The following CA10 variants were observed in gnomAD, a reference collection of about 807,000 sequenced individuals.
CA10 encodes the protein carbonic anhydrase-related protein 10.
CA10 carries 14 observed loss-of-function variants against 44.2 expected under a neutral mutation model. The ratio of observed to expected loss-of-function variants is 0.32; its 90% confidence interval spans 0.21 to 0.50. CA10 has a LOEUF of 0.50. Ranked by LOEUF, CA10 falls within the 20% of genes least tolerant of loss-of-function variation. The probability of loss-of-function intolerance (pLI) is 0.99; values close to 1 mark genes in which losing one functional copy is unlikely to be tolerated. For synonymous variants in CA10, 159 were observed against 141.6 expected (o/e 1.12, Z -0.87); for missense variants, 350 against 409.7 (o/e 0.85, Z 1.26).
chr17:51,651,314 C>A (rs1248458045), intron 5 of CA10, among the ~76,000 whole-genome samples: 3 of 152,186 alleles, frequency 2.0e-5, no homozygotes, highest in Middle Eastern at 3.2e-3. Flanking sequence ...GTACCTCATG[C>A]TCCATCAGAG....
intron 2 of CA10, among the ~76,000 whole-genome samples, chr17:52,059,517 C>G (rs1017138991): frequency 6.6e-6 from 1 of 152,088 alleles, no homozygotes; most frequent in African/African-American, 2.4e-5. Context: ...CACCCACACA[C>G]ACACTCCCTG....
chr17:51,830,195 CAAAAAAA>C (rs1220410518), intron 3 of CA10, among the ~76,000 whole-genome samples: 1 of 89,986 alleles, frequency 1.1e-5, no homozygotes, highest in African/African-American at 4.8e-5. Flanking sequence ...GACTCCATCT[CAAAAAAA>C]AAAAAAAAAA....
At chr17:52,111,588 A>G (rs1000719385) in intron 1 of CA10, among the ~76,000 whole-genome samples, 1 of 152,128 alleles carries the variant, frequency 6.6e-6, no homozygotes, top group Non-Finnish European at 1.5e-5. Context: ...CTCAGATTAG[A>G]TTGTATCAGC....
chr17:51,906,872 G>T (rs1024957303), intron 3 of CA10, among the ~76,000 whole-genome samples: 1 of 152,074 alleles, frequency 6.6e-6, no homozygotes, highest in African/African-American at 2.4e-5. Context: ...AACAGATATT[G>T]CACTACATCA....
At chr17:51,783,386 T>G (rs1206311464) in intron 3 of CA10, among the ~76,000 whole-genome samples, 1 of 152,198 alleles carries the variant, frequency 6.6e-6, no homozygotes, top group Non-Finnish European at 1.5e-5. Flanking sequence ...AAATAAAAAC[T>G]CAGATTTTCA....
chr17:52,028,740 T>TG (rs1245334116), intron 2 of CA10, among the ~76,000 whole-genome samples: 1 of 152,188 alleles, frequency 6.6e-6, no homozygotes, highest in Non-Finnish European at 1.5e-5. Context: ...TCAAAAGCAG[T>TG]GGGGCCATCA....
intron 4 of CA10, among the ~76,000 whole-genome samples, chr17:51,741,128 A>G (rs1904445636): frequency 6.6e-6 from 1 of 152,256 alleles, no homozygotes; most frequent in Non-Finnish European, 1.5e-5. Flanking sequence ...ACCACAAAGC[A>G]TGTGAACAGT....
chr17:51,688,592 A>AT (rs1324793808), intron 4 of CA10, among the ~76,000 whole-genome samples: 1 of 152,132 alleles, frequency 6.6e-6, no homozygotes, highest in Admixed American at 6.5e-5. Context: ...ATTGAATGTT[A>AT]TTTTTATCAT....
chr17:51,745,708 T>C (rs1904657973), intron 4 of CA10, among the ~76,000 whole-genome samples: 1 of 152,220 alleles, frequency 6.6e-6, no homozygotes, highest in Admixed American at 6.5e-5. Flanking sequence ...TAAAGAATAA[T>C]ACAATGTAAA....
intron 2 of CA10, among the ~76,000 whole-genome samples, chr17:51,947,224 C>CAAAAAAA (rs1198796736): frequency 3.8e-5 from 2 of 52,108 alleles, no homozygotes; most frequent in Admixed American, 2.3e-4. Flanking sequence ...TCTTCATGTG[C>CAAAAAAA]AAAAAAAAAA....
intron 1 of CA10, among the ~76,000 whole-genome samples, chr17:52,095,628 A>T (rs900822226): frequency 4.6e-5 from 7 of 152,258 alleles, no homozygotes; most frequent in Middle Eastern, 6.8e-3. Flanking sequence ...CTCTCCTGAC[A>T]CTCTGGTAAG....
chr17:51,910,216 T>A (rs1005449044), intron 3 of CA10, among the ~76,000 whole-genome samples: 6 of 152,100 alleles, frequency 3.9e-5, no homozygotes, highest in Non-Finnish European at 1.5e-5. Flanking sequence ...GACAATGTAC[T>A]CAATCCCCCT....
chr17:52,075,144 C>T (rs1486504982), intron 1 of CA10, among the ~76,000 whole-genome samples: 1 of 151,774 alleles, frequency 6.6e-6, no homozygotes, highest in East Asian at 1.9e-4. Flanking sequence ...GAAAAACAAT[C>T]AATATAATCA....
At chr17:51,725,414 C>T (rs188475641) in intron 4 of CA10, among the ~76,000 whole-genome samples, 64 of 152,298 alleles carry the variant, frequency 4.2e-4, no homozygotes, top group African/African-American at 1.5e-3. Context: ...CAGCGTGAGC[C>T]ACTTACTTTT....
Position 52,044,020 on chromosome 17 carries a change from C to T in CA10, c.136+28299G>A, listed in dbSNP as rs967926049. Reference sequence around the variant, plus strand: ...GGATGTTGGCCTGTAATGTTCTGTTCTCTTAGTGTTCTTATTTGGCTTTGA... The same window carrying T: ...GGATGTTGGCCTGTAATGTTCTGTTTTCTTAGTGTTCTTATTTGGCTTTGA... On this transcript the variant is annotated intron_variant, in intron 2 of 8. Coordinates refer to ENST00000451037, the MANE Select transcript of CA10 (RefSeq NM_020178.5). Among the ~76,000 whole-genome samples, 12 of 152,128 alleles carry T rather than the reference C, an allele frequency of 7.9e-5. No individual in the cohort carries two copies. The South Asian group carries it at 8.3e-4, about 11-fold the overall frequency.
At chr17:51,904,813 C>A (rs1273955262) in intron 3 of CA10, among the ~76,000 whole-genome samples, 1 of 152,070 alleles carries the variant, frequency 6.6e-6, no homozygotes, top group Non-Finnish European at 1.5e-5. Flanking sequence ...GGAGGCAATG[C>A]ATGTAATACA....
In CA10 at chr17:52,018,345, C is replaced by T. The variant is rs137944060; in HGVS notation, c.136+53974G>A. 6.5e-3 allele frequency among the ~76,000 whole-genome samples: 990 copies of T among 152,168 alleles called. 6 individuals are homozygous for T. The highest frequency in any genetic ancestry group is 0.023 in the African/African-American group (936 of 41,528). On this transcript the variant is annotated intron_variant, in intron 2 of 8. Coordinates refer to ENST00000451037, the MANE Select transcript of CA10 (RefSeq NM_020178.5). ...ATAGACTCCAACCTGTGAGAGCAGC[C>T]GTGGGGGCTGTACCCTGCAAAGCCA... is the stretch of plus-strand genomic sequence containing the variant.
chr17:52,087,064 A>T (rs1408698205), intron 1 of CA10, among the ~76,000 whole-genome samples: 1 of 152,192 alleles, frequency 6.6e-6, no homozygotes, highest in East Asian at 1.9e-4. Flanking sequence ...CCAATAAGTC[A>T]ATACAAACAA....
chr17:51,796,235 C>T (rs144423764), intron 3 of CA10, among the ~76,000 whole-genome samples: 8 of 151,786 alleles, frequency 5.3e-5, no homozygotes, highest in East Asian at 3.9e-4. Flanking sequence ...TTTTTAGAGG[C>T]GACCACTGAG....
Sources: gnomAD v4.1 joint callset for allele counts (sites outside exome capture counted in the v4.1 genomes callset) on GRCh38, gnomAD v4.1.1 for gene constraint, MANE v1.5 for transcripts, NCBI Gene and HGNC (gene_info 2026-07-23, HGNC 2026-07-21) for gene names.